The following GRIA1 variants were observed in gnomAD, a reference collection of about 807,000 sequenced individuals.
The protein encoded by GRIA1 is glutamate receptor 1.
Under a neutral mutation model 99.2 loss-of-function variants are expected in GRIA1, and 31 were observed. The ratio of observed to expected loss-of-function variants is 0.31; its 90% CI spans 0.23 to 0.42. The LOEUF (loss-of-function observed/expected upper bound fraction) is 0.42, where lower values mean the gene tolerates loss of function less well. GRIA1 is among the 10% of genes least tolerant of loss of function. The pLI, the probability that GRIA1 is intolerant of heterozygous loss-of-function variation, is 1.00. For missense variants in GRIA1, 782 were observed against 1,157.5 expected (o/e 0.68, Z 4.71); for synonymous variants, 438 against 432.4 (o/e 1.01, Z -0.16).
chr5:153,696,884 A>G (rs199984192), intron 8 of GRIA1, among the ~76,000 whole-genome samples: 3 of 118,054 alleles, frequency 2.5e-5, no homozygotes, highest in Admixed American at 8.6e-5. Flanking sequence ...GTGTGTGTGT[A>G]TTAGTCAAGT....
In GRIA1 at chr5:153,650,325, T is replaced by A; in HGVS notation, c.461-5T>A. 2 of 1,612,892 alleles carry A rather than the reference T, an allele frequency of 1.2e-6. No individual in the cohort carries two copies. Among genetic ancestry groups the A allele is most frequent in the South Asian group, 2.2e-5 (2 of 90,986 alleles). ...TCATTTCTCTTCTACTCATCTGAAC[T>A]TTAGGCTTATCCGTCCTGCAGAAAG... On this transcript the variant is annotated splice_region_variant and splice_polypyrimidine_tract_variant and intron_variant, in intron 3 of 15. Coordinates refer to ENST00000285900, the MANE Select transcript of GRIA1 (RefSeq NM_000827.4).
chr5:153,792,843 A>G (rs771525739), intron 13 of GRIA1, among the ~76,000 whole-genome samples: 4 of 152,214 alleles, frequency 2.6e-5, no homozygotes, highest in Admixed American at 2.6e-4. Flanking sequence ...AAAAGACTAA[A>G]GAGTGCATTT....
In GRIA1 at chr5:153,647,027, G is replaced by C; in HGVS notation, c.320G>C (p.Cys107Ser). Residue 107 changes from cysteine (C) to serine (S), a missense_variant, in exon 3 of 16, where the codon TGC (cysteine) becomes TCC (serine). Transcript: ENST00000285900. The stretch of plus-strand genomic sequence containing the variant: ...TCCTTTTGTGGGGCCCTCCACGTCT[G>C]CTTCATTACGCCGAGCTTTCCCGTT... ...LTSFCGALHV[C>S]FITPSFPVDT... 1 of 1,613,972 alleles carries C rather than the reference G, an allele frequency of 6.2e-7. No homozygotes were observed. The highest frequency in any genetic ancestry group is 8.5e-7 in the Non-Finnish European group (1 of 1,179,900).
intron 2 of GRIA1, among the ~76,000 whole-genome samples, chr5:153,544,449 G>A (rs1340290832): frequency 1.3e-5 from 2 of 152,178 alleles, no homozygotes; most frequent in African/African-American, 4.8e-5. Flanking sequence ...GAAAGTCAGG[G>A]AGGTTCTCCC....
intron 8 of GRIA1, among the ~76,000 whole-genome samples, chr5:153,689,097 T>C (rs1025370489): frequency 1.3e-5 from 2 of 151,822 alleles, no homozygotes; most frequent in Non-Finnish European, 2.9e-5. Flanking sequence ...GGTACTATCA[T>C]AGCTCACTAT....
chr5:153,799,786 C>T lies in GRIA1; in HGVS notation c.2386-2570C>T, dbSNP rs145507357. On this transcript the variant is annotated intron_variant, in intron 14 of 15. Transcript: ENST00000285900. ...CACACACATTGCCATCTCCCTGGGC[C>T]GGAGACCTTCTTCTAAAGTGAAGGA... is the stretch of plus-strand genomic sequence containing the variant. 9.9e-5 allele frequency among the ~76,000 whole-genome samples: 15 copies of T among 152,224 alleles called. 1 individual carries two copies. Among genetic ancestry groups the T allele is most frequent in the South Asian group, 2.1e-4 (1 of 4,816 alleles).
At chr5:153,565,498 T>G (rs1761533910) in intron 2 of GRIA1, among the ~76,000 whole-genome samples, 1 of 152,210 alleles carries the variant, frequency 6.6e-6, no homozygotes, top group Non-Finnish European at 1.5e-5. Flanking sequence ...CAGTTCAGTA[T>G]TTTTTAGTAT....
At chr5:153,800,018 T>A (rs1344726576) in intron 14 of GRIA1, among the ~76,000 whole-genome samples, 3 of 152,134 alleles carry the variant, frequency 2.0e-5, no homozygotes, top group African/African-American at 7.2e-5. Flanking sequence ...TGCCCATCAC[T>A]CCCTTGTCCT....
At chr5:153,500,623 A>G (rs1754919496) in intron 2 of GRIA1, among the ~76,000 whole-genome samples, 3 of 139,934 alleles carry the variant, frequency 2.1e-5, no homozygotes, top group Non-Finnish European at 4.5e-5. Flanking sequence ...ACACACACAC[A>G]CACACACACA....
At chr5:153,496,664 A>G (rs1266365030) in intron 2 of GRIA1, among the ~76,000 whole-genome samples, 1 of 152,166 alleles carries the variant, frequency 6.6e-6, no homozygotes. Context: ...TTGGTTTGGG[A>G]AAACTTTACA....
intron 4 of GRIA1, among the ~76,000 whole-genome samples, chr5:153,653,844 A>G (rs115438251): frequency 2.6e-5 from 4 of 152,232 alleles, no homozygotes; most frequent in African/African-American, 7.2e-5. Flanking sequence ...AGTTAATCAT[A>G]GAGGGTTTTA....
At chr5:153,492,075 G>A in intron 1 of GRIA1, 18 of 1,323,644 alleles carry the variant, frequency 1.4e-5, no homozygotes, top group Non-Finnish European at 1.8e-5. Context: ...TTGGTTTCTA[G>A]TCTCTCTCCC....
chr5:153,770,456 C>A (rs374688585), intron 13 of GRIA1, 41 bp downstream of exon 13: 47 of 1,580,804 alleles, frequency 3.0e-5, no homozygotes, highest in South Asian at 1.9e-4. Context: ...TCCCTCTCCC[C>A]TCCCTATCTC....
chr5:153,737,559 T>A (rs1761470312), intron 11 of GRIA1, among the ~76,000 whole-genome samples: 1 of 152,152 alleles, frequency 6.6e-6, no homozygotes, highest in Non-Finnish European at 1.5e-5. Flanking sequence ...TTGGAAAAAG[T>A]CATTTAATCT....
chr5:153,666,842 A>T (rs1755780919), intron 5 of GRIA1, among the ~76,000 whole-genome samples: 1 of 152,168 alleles, frequency 6.6e-6, no homozygotes, highest in Non-Finnish European at 1.5e-5. Flanking sequence ...GCCTTCTATG[A>T]CATTTGCCCT....
chr5:153,674,995 T>C (rs1458702156), intron 6 of GRIA1, among the ~76,000 whole-genome samples: 1 of 152,130 alleles, frequency 6.6e-6, no homozygotes, highest in East Asian at 1.9e-4. Context: ...TGCTGCCTAA[T>C]AGTACAAGAG....
At position 153,492,610 on chromosome 5, in the gene GRIA1, C is replaced by T. The variant is rs536422998; in HGVS notation, c.83-1318C>T. ...GTTTACATTTGTGCTTATATACTAC[C>T]TATCCTTTGTGGCTTGGAAGTGTTT... is the stretch of plus-strand genomic sequence containing the variant. On this transcript the variant is annotated intron_variant, in intron 1 of 15. Transcript: ENST00000285900. Among the ~76,000 whole-genome samples the T allele has an allele frequency of 1.1e-3, 169 of 152,228 alleles. 1 individual carries two copies. Among genetic ancestry groups the T allele is most frequent in the African/African-American group, 3.9e-3 (161 of 41,518 alleles).
At chr5:153,797,158 G>A (rs1765702741) in intron 14 of GRIA1, among the ~76,000 whole-genome samples, 2 of 152,200 alleles carry the variant, frequency 1.3e-5, no homozygotes, top group African/African-American at 2.4e-5. Context: ...ACGCCCTAGA[G>A]ACTTTGGGCT....
intron 2 of GRIA1, among the ~76,000 whole-genome samples, chr5:153,626,074 G>A (rs960078737): frequency 2.6e-5 from 4 of 152,114 alleles, no homozygotes; most frequent in African/African-American, 9.7e-5. Context: ...TGTGTCCCTG[G>A]GAAAGTCTTT....
Sources: gnomAD v4.1 joint callset for allele counts (sites outside exome capture counted in the v4.1 genomes callset) on GRCh38, gnomAD v4.1.1 for gene constraint, MANE v1.5 for transcripts, NCBI Gene and HGNC (gene_info 2026-07-23, HGNC 2026-07-21) for gene names.